The following ELAPOR2 variants were observed in gnomAD, a reference collection of about 807,000 sequenced individuals.
The protein encoded by ELAPOR2 is endosome-lysosome associated apoptosis and autophagy regulator family member 2.
In ELAPOR2, 89 loss-of-function variants were observed where a neutral mutation model predicts 120.7. The ratio of observed to expected loss-of-function variants is 0.74; its 90% confidence interval spans 0.62 to 0.88. The LOEUF (loss-of-function observed/expected upper bound fraction) is 0.88. Ranked by LOEUF, ELAPOR2 falls within the 40% of genes least tolerant of loss-of-function variation. The pLI, the probability that ELAPOR2 is intolerant of heterozygous loss-of-function variation, is 0.00. For synonymous variants in ELAPOR2, 444 were observed against 444.9 expected, an observed-to-expected ratio of 1.00 and a Z score of 0.03; for missense variants, 1,134 against 1,251.6, an observed-to-expected ratio of 0.91 and a Z score of 1.42.
chr7:86,929,397 T>C (rs907159843), intron 8 of ELAPOR2, among the ~76,000 whole-genome samples: 1 of 151,960 alleles, frequency 6.6e-6, no homozygotes, highest in Non-Finnish European at 1.5e-5. Flanking sequence ...TGCTCCATGA[T>C]GTTCTGGCTC....
At chr7:86,919,174 A>G in intron 11 of ELAPOR2, 46 bp downstream of exon 11, 3 of 1,316,942 alleles carry the variant, frequency 2.3e-6, no homozygotes, top group Non-Finnish European at 3.3e-6. Context: ...GTGGGGAAAC[A>G]GGTGTAAGGA....
At chr7:87,022,171 T>G (rs1288869136) in intron 1 of ELAPOR2, among the ~76,000 whole-genome samples, 3 of 152,018 alleles carry the variant, frequency 2.0e-5, no homozygotes, top group Non-Finnish European at 4.4e-5. Flanking sequence ...GTTGGTGTGT[T>G]GCACCAATTA....
At position 86,892,962 on chromosome 7, in the gene ELAPOR2, G is replaced by A. The variant is rs756214331; in HGVS notation, c.2824C>T (p.Leu942=). 1.3e-6 allele frequency: 2 copies of A among 1,573,286 alleles called. No individual in the cohort carries two copies. Among genetic ancestry groups the A allele is most frequent in the Non-Finnish European group, 1.7e-6 (2 of 1,166,986 alleles). The stretch of plus-strand genomic sequence containing the variant: ...CAGAAGTAGCAGGTCAGAGCCACCA[G>A]CAAAACGGCAGTAAAAGCTCCCACA... ...AGVGAFTAVL[L]VALTCYFWKK... Residue 942 remains leucine, a synonymous_variant, in exon 20 of 22, where the codon CTG becomes TTG. Coordinates refer to ENST00000450689, the MANE Select transcript of ELAPOR2 (RefSeq NM_001142749.3).
At chr7:86,995,869 C>G (rs1287436737) in intron 1 of ELAPOR2, among the ~76,000 whole-genome samples, 1 of 152,144 alleles carries the variant, frequency 6.6e-6, no homozygotes, top group African/African-American at 2.4e-5. Flanking sequence ...TACTAACATG[C>G]TAGCATAGTG....
intron 20 of ELAPOR2, 79 bp from the exon 21 acceptor site, chr7:86,891,968 A>AT: frequency 3.4e-5 from 30 of 887,474 alleles, no homozygotes; most frequent in Non-Finnish European, 4.3e-5. Context: ...AGGTGGTAAT[A>AT]TACCAGCTCA....
At chr7:86,983,687 C>T (rs1003645164) in intron 1 of ELAPOR2, among the ~76,000 whole-genome samples, 2 of 152,174 alleles carry the variant, frequency 1.3e-5, no homozygotes, top group African/African-American at 4.8e-5. Flanking sequence ...CTGAAGGAAG[C>T]ACTAAACATG....
intron 10 of ELAPOR2, among the ~76,000 whole-genome samples, chr7:86,922,608 T>C (rs1209420557): frequency 6.6e-6 from 1 of 151,928 alleles, no homozygotes; most frequent in Admixed American, 6.6e-5. Context: ...CATAAGCACT[T>C]TTATAAATAC....
At chr7:87,022,479 A>G (rs768022511) in intron 1 of ELAPOR2, among the ~76,000 whole-genome samples, 15 of 152,050 alleles carry the variant, frequency 9.9e-5, no homozygotes, top group Non-Finnish European at 2.2e-4. Flanking sequence ...CCAGTCTATC[A>G]TTGTTGAACA....
At chr7:86,896,913 A>C (rs1024442942) in intron 19 of ELAPOR2, among the ~76,000 whole-genome samples, 1 of 152,104 alleles carries the variant, frequency 6.6e-6, no homozygotes, top group Non-Finnish European at 1.5e-5. Context: ...TTTGCTACAG[A>C]GTTATGTACA....
At chr7:86,981,885 A>G (rs1633455) in intron 1 of ELAPOR2, among the ~76,000 whole-genome samples, 57,593 of 152,172 alleles carry the variant, frequency 0.38, 11,761 homozygotes, top group African/African-American at 0.53. Flanking sequence ...ACAAGGGGTC[A>G]GGGGATTTCC....
chr7:86,944,793 CA>C (rs886467558), intron 4 of ELAPOR2, 105 bp downstream of exon 4: 1,590 of 717,974 alleles, frequency 2.2e-3, no homozygotes, highest in South Asian at 4.0e-3. Context: ...CACACACACA[CA>C]AAAAAAAAAC....
At chr7:86,894,518 G>A (rs1788346703) in intron 19 of ELAPOR2, among the ~76,000 whole-genome samples, 1 of 151,846 alleles carries the variant, frequency 6.6e-6, no homozygotes, top group Non-Finnish European at 1.5e-5. Flanking sequence ...ACTGTCTGAT[G>A]ACAGTCTTAT....
chr7:87,046,335 A>G (rs1291990831), intron 1 of ELAPOR2, among the ~76,000 whole-genome samples: 1 of 152,234 alleles, frequency 6.6e-6, no homozygotes, highest in Admixed American at 6.5e-5. Flanking sequence ...TTCCATGTTT[A>G]TGAATTGGAA....
intron 1 of ELAPOR2, among the ~76,000 whole-genome samples, chr7:86,977,024 C>CAGATACTT (rs1562952044): frequency 6.6e-6 from 1 of 152,184 alleles, no homozygotes; most frequent in African/African-American, 2.4e-5. Flanking sequence ...TGGGTGCTAA[C>CAGATACTT]AGATACTTGA....
chr7:87,015,841 T>G (rs1465066774), intron 1 of ELAPOR2, among the ~76,000 whole-genome samples: 2 of 152,152 alleles, frequency 1.3e-5, no homozygotes, highest in East Asian at 3.9e-4. Flanking sequence ...CTAATGATAA[T>G]GATATTCCTG....
At chr7:87,041,180 A>G (rs1794773637) in intron 1 of ELAPOR2, among the ~76,000 whole-genome samples, 1 of 152,120 alleles carries the variant, frequency 6.6e-6, no homozygotes, top group African/African-American at 2.4e-5. Context: ...CCAAGTTGGA[A>G]AACACGTTGC....
At chr7:86,958,246 A>G (rs1791556305) in intron 2 of ELAPOR2, among the ~76,000 whole-genome samples, 1 of 152,122 alleles carries the variant, frequency 6.6e-6, no homozygotes, top group African/African-American at 2.4e-5. Context: ...TCTGCTTTTT[A>G]TAAAGGGAGG....
chr7:86,886,819 G>A (rs1282719686), intron 21 of ELAPOR2, among the ~76,000 whole-genome samples: 1 of 152,034 alleles, frequency 6.6e-6, no homozygotes, highest in Non-Finnish European at 1.5e-5. Flanking sequence ...GACTCAATAG[G>A]ACCCTCGATT....
rs1260247365 is a variant in ELAPOR2 at position 86,880,395 on chromosome 7, A to C, written c.*76T>G. ...TCACCAATGTGACAGGTATGAGGAC[A>C]GACCCTAAAATATGGTCCTGTAAAA... On this transcript the variant is annotated 3_prime_UTR_variant, in exon 22 of 22. Coordinates refer to ENST00000450689, the MANE Select transcript of ELAPOR2 (RefSeq NM_001142749.3). The C allele has an allele frequency of 9.5e-7, 1 of 1,052,074 alleles. No homozygotes were observed. The highest frequency in any genetic ancestry group is 1.5e-6 in the Non-Finnish European group (1 of 672,556). 65.2% of individuals were successfully genotyped at this position (1,052,074 alleles called of 1,614,324 possible).
Sources: gnomAD v4.1 joint callset for allele counts (sites outside exome capture counted in the v4.1 genomes callset) on GRCh38, gnomAD v4.1.1 for gene constraint, MANE v1.5 for transcripts, NCBI Gene and HGNC (gene_info 2026-07-23, HGNC 2026-07-21) for gene names.